SNX4: variants seen among roughly 807,000 people sequenced by gnomAD.
SNX4 encodes the protein sorting nexin 4, also known as sorting nexin-4.
SNX4 carries 49 observed loss-of-function variants against 70.8 expected under a neutral mutation model. The observed-to-expected ratio is 0.69, with a 90% CI of 0.55 to 0.88. The LOEUF is 0.88. SNX4 is among the 40% of genes least tolerant of loss of function. The probability of loss-of-function intolerance (pLI) is 0.00; values close to 1 mark genes in which losing one functional copy is unlikely to be tolerated. For synonymous variants in SNX4, 206 were observed against 183.8 expected, an observed-to-expected ratio of 1.12 and a Z score of -0.98; for missense variants, 528 against 544.8, an observed-to-expected ratio of 0.97 and a Z score of 0.31.
Position 125,460,867 on chromosome 3 carries a change from T to TAAA in SNX4, c.855-10_855-8dup. ...ATCAATAGAAGATGCATACCTGTTT[T>TAAA]AAAAAAAAAAACACACATTGCATAG... On this transcript the variant is annotated splice_polypyrimidine_tract_variant and splice_region_variant and intron_variant, in intron 9 of 13. Coordinates refer to ENST00000251775, the MANE Select transcript of SNX4 (RefSeq NM_003794.4). The TAAA allele has an allele frequency of 7.5e-6, 8 of 1,065,612 alleles. No individual in the cohort carries two copies. Among genetic ancestry groups the TAAA allele is most frequent in the Non-Finnish European group, 9.0e-6 (7 of 774,516 alleles). 66.0% of individuals were successfully genotyped at this position (1,065,612 alleles called of 1,614,324 possible).
chr3:125,506,342 T>C (rs893609842), intron 1 of SNX4, among the ~76,000 whole-genome samples: 3 of 150,722 alleles, frequency 2.0e-5, no homozygotes, highest in Admixed American at 6.6e-5. Flanking sequence ...CTTTTTTCAT[T>C]TCTTTTTTTT....
At position 125,496,096 on chromosome 3, in the gene SNX4, C is replaced by T. The variant is rs147872675; in HGVS notation, c.597+1245G>A. Among the ~76,000 whole-genome samples, 19 of 152,174 alleles carry T rather than the reference C, an allele frequency of 1.2e-4. No individual in the cohort carries two copies. The East Asian group carries it at 3.7e-3, about 29-fold the overall frequency. ...ATTGAGCCCAGGAGTTCGAAACTAG[C>T]CTGGGCAACATAGTGAGACCTCATC... On this transcript the variant is annotated intron_variant, in intron 5 of 13. Coordinates refer to ENST00000251775, the MANE Select transcript of SNX4 (RefSeq NM_003794.4).
chr3:125,518,444 AGAGT>A (rs1349703076), intron 1 of SNX4, among the ~76,000 whole-genome samples: 1 of 152,116 alleles, frequency 6.6e-6, no homozygotes, highest in African/African-American at 2.4e-5. Flanking sequence ...CCTGGGAGAC[AGAGT>A]GAGAACCTGT....
intron 9 of SNX4, among the ~76,000 whole-genome samples, chr3:125,465,835 G>T (rs1331209624): frequency 6.6e-6 from 1 of 151,986 alleles, no homozygotes; most frequent in Non-Finnish European, 1.5e-5. Flanking sequence ...TAGAGACAGG[G>T]TTTCACCATG....
intron 8 of SNX4, 29 bp downstream of exon 8, chr3:125,476,666 A>T (rs773516243): frequency 7.4e-7 from 1 of 1,360,154 alleles, no homozygotes; most frequent in Non-Finnish European, 1.0e-6. Context: ...ATTAAAGCTA[A>T]TTATTTTTAA....
chr3:125,508,463 AG>A (rs141912761), intron 1 of SNX4, among the ~76,000 whole-genome samples: 45,352 of 151,546 alleles, frequency 0.3, 7,216 homozygotes, highest in Admixed American at 0.43. Flanking sequence ...ACCACTCAGG[AG>A]GCTGAGGCAG....
intron 11 of SNX4, 39 bp from the exon 12 acceptor site, chr3:125,453,994 T>C: frequency 1.3e-6 from 2 of 1,571,764 alleles, no homozygotes; most frequent in African/African-American, 1.4e-5. Context: ...ATAAACAAAA[T>C]GCGGCATACA....
chr3:125,515,517 T>C (rs1348737255), intron 1 of SNX4, among the ~76,000 whole-genome samples: 1 of 149,724 alleles, frequency 6.7e-6, no homozygotes, highest in Non-Finnish European at 1.5e-5. Flanking sequence ...TAGAAGAAAT[T>C]AGTCAGGTAT....
In SNX4 at chr3:125,500,358, A is replaced by G. The variant is rs62270173; in HGVS notation, c.264-2164T>C. Among the ~76,000 whole-genome samples, 465 of 152,324 alleles carry G rather than the reference A, an allele frequency of 3.1e-3. 3 individuals are homozygous for G. The highest frequency in any genetic ancestry group is 4.5e-3 in the Non-Finnish European group (309 of 68,016). ...CTAAAAGAGACATATATTTATTTTA[A>G]AAGAGTTCCTATTCAATGAAGAAGA... On this transcript the variant is annotated intron_variant, in intron 2 of 13. Transcript: ENST00000251775.
At chr3:125,518,950 T>C (rs1935336243) in intron 1 of SNX4, among the ~76,000 whole-genome samples, 1 of 151,578 alleles carries the variant, frequency 6.6e-6, no homozygotes, top group Non-Finnish European at 1.5e-5. Flanking sequence ...GAGGCAGAGG[T>C]TGCAGTGAGC....
At chr3:125,506,545 C>T (rs1307091811) in intron 1 of SNX4, among the ~76,000 whole-genome samples, 1 of 144,124 alleles carries the variant, frequency 6.9e-6, no homozygotes, top group African/African-American at 2.6e-5. Flanking sequence ...CTTGCTCTAT[C>T]GCCAGGTCGG....
At chr3:125,489,935 G>T (rs1394519045) in intron 5 of SNX4, among the ~76,000 whole-genome samples, 1 of 152,072 alleles carries the variant, frequency 6.6e-6, no homozygotes, top group Admixed American at 6.6e-5. Flanking sequence ...AGACCAGCCT[G>T]GCCAACATGA....
intron 6 of SNX4, among the ~76,000 whole-genome samples, chr3:125,482,184 C>T (rs931544464): frequency 5.9e-5 from 9 of 152,324 alleles, no homozygotes; most frequent in African/African-American, 2.2e-4. Flanking sequence ...TTATGATCTA[C>T]ATATTGCTAA....
chr3:125,462,364 T>C (rs1386657752), intron 9 of SNX4, among the ~76,000 whole-genome samples: 1 of 151,810 alleles, frequency 6.6e-6, no homozygotes, highest in Non-Finnish European at 1.5e-5. Flanking sequence ...TAACTGGAGA[T>C]TGTACACTAG....
At chr3:125,517,479 T>TGA (rs1173027143) in intron 1 of SNX4, among the ~76,000 whole-genome samples, 17 of 151,714 alleles carry the variant, frequency 1.1e-4, no homozygotes, top group Admixed American at 1.1e-3. Flanking sequence ...ACAGACTGAG[T>TGA]GAGAGAGAGT....
intron 2 of SNX4, among the ~76,000 whole-genome samples, chr3:125,500,470 T>C (rs936132992): frequency 2.6e-5 from 4 of 152,104 alleles, no homozygotes; most frequent in South Asian, 2.1e-4. Context: ...CACTATAGAA[T>C]AGGCACATAT....
intron 11 of SNX4, among the ~76,000 whole-genome samples, chr3:125,454,508 C>G (rs1579971719): frequency 6.6e-6 from 1 of 152,168 alleles, no homozygotes; most frequent in Non-Finnish European, 1.5e-5. Flanking sequence ...CAAAACAGGT[C>G]CCTAGTGCCA....
At chr3:125,467,322 G>C (rs1193919618) in intron 9 of SNX4, among the ~76,000 whole-genome samples, 2 of 152,054 alleles carry the variant, frequency 1.3e-5, no homozygotes, top group African/African-American at 4.8e-5. Flanking sequence ...GGGAGGCAGA[G>C]GTTGCAGTGA....
intron 1 of SNX4, among the ~76,000 whole-genome samples, chr3:125,510,375 C>A (rs1189514720): frequency 6.6e-6 from 1 of 151,972 alleles, no homozygotes; most frequent in East Asian, 1.9e-4. Flanking sequence ...GGACTACAGG[C>A]GCCCGCCACA....
Sources: gnomAD v4.1 joint callset for allele counts (sites outside exome capture counted in the v4.1 genomes callset) on GRCh38, gnomAD v4.1.1 for gene constraint, MANE v1.5 for transcripts, NCBI Gene and HGNC (gene_info 2026-07-23, HGNC 2026-07-21) for gene names.